PLS3: variants seen among roughly 807,000 people sequenced by gnomAD.
PLS3 encodes the protein plastin-3.
Under a neutral mutation model 46.5 loss-of-function variants are expected in PLS3, and 11 were observed. That is an observed-to-expected ratio of 0.24 (90% confidence interval 0.15 to 0.39). The LOEUF is 0.39. PLS3 is among the 10% of genes least tolerant of loss of function. PLS3 has a pLI of 1.00. For synonymous variants in PLS3, 167 were observed against 162.2 expected, an observed-to-expected ratio of 1.03 and a Z score of -0.22; for missense variants, 308 against 461.8, an observed-to-expected ratio of 0.67 and a Z score of 3.05.
At chrX:115,634,155 C>T in intron 6 of PLS3, 74 bp downstream of exon 6, 1 of 568,808 alleles carries the variant, frequency 1.8e-6, no homozygotes, top group Non-Finnish European at 3.0e-6. Context: ...TCAGCCTCTG[C>T]ACTCTGTAGG....
intron 1 of PLS3, among the ~76,000 whole-genome samples, 165 bp downstream of exon 1, chrX:115,561,425 C>T (rs1483871425): frequency 2.7e-5 from 3 of 111,396 alleles, no homozygotes; most frequent in African/African-American, 9.8e-5. Flanking sequence ...TCAGTTGGAG[C>T]CCTCGGGCGC....
At chrX:115,589,822 G>T (rs2074333304) in intron 1 of PLS3, among the ~76,000 whole-genome samples, 1 of 111,624 alleles carries the variant, frequency 9.0e-6, no homozygotes, top group Admixed American at 9.5e-5. Context: ...TTCCACCCTG[G>T]GGTGGGAGTG....
intron 8 of PLS3, 115 bp downstream of exon 8, chrX:115,637,093 G>A: frequency 1.4e-6 from 1 of 703,980 alleles, no homozygotes; most frequent in Middle Eastern, 3.2e-4. Context: ...TTGTCTCTTG[G>A]CCCTGAAGGT....
At chrX:115,606,165 CTTTTTTT>C (rs782575149) in intron 1 of PLS3, among the ~76,000 whole-genome samples, 335 of 30,208 alleles carry the variant, frequency 0.011, 1 homozygote, top group African/African-American at 0.053. Context: ...CTTTTCTTTT[CTTTTTTT>C]TTTTTTTTTT....
chrX:115,624,638 G>A (rs1556638220), intron 3 of PLS3, among the ~76,000 whole-genome samples: 2 of 112,147 alleles, frequency 1.8e-5, no homozygotes, highest in African/African-American at 6.5e-5. Flanking sequence ...TGATCTTGGG[G>A]AAATTGTTAA....
At chrX:115,618,600 T>C (rs2074619416) in intron 2 of PLS3, among the ~76,000 whole-genome samples, 1 of 107,969 alleles carries the variant, frequency 9.3e-6, no homozygotes, top group South Asian at 4.1e-4. Flanking sequence ...GATACTTTTT[T>C]AAATTAAAAA....
intron 9 of PLS3, among the ~76,000 whole-genome samples, chrX:115,642,243 C>T (rs58997109): frequency 0.033 from 3,671 of 110,043 alleles, 155 homozygotes; most frequent in African/African-American, 0.12. Context: ...TTTTTCTCTT[C>T]GTCTTTGTAA....
At chrX:115,595,412 T>A (rs1282345944) in intron 1 of PLS3, among the ~76,000 whole-genome samples, 1 of 110,686 alleles carries the variant, frequency 9.0e-6, no homozygotes, top group African/African-American at 3.3e-5. Flanking sequence ...ATGAACTCAT[T>A]TCTTAATAGC....
chrX:115,647,791 C>A, intron 14 of PLS3, 102 bp from the exon 15 acceptor site: 2 of 1,143,869 alleles, frequency 1.7e-6, no homozygotes, highest in Non-Finnish European at 2.4e-6. Context: ...TGGCACAATT[C>A]TTTACGAATT....
At chrX:115,622,455 CTCG>C (rs782183890) in intron 3 of PLS3, 46 bp downstream of exon 3, 22 of 844,132 alleles carry the variant, frequency 2.6e-5, no homozygotes, top group Non-Finnish European at 2.8e-5. Flanking sequence ...TAGATGTTCC[CTCG>C]TCTAGTGGGA....
intron 8 of PLS3, among the ~76,000 whole-genome samples, chrX:115,638,453 C>T (rs1556640564): frequency 9.1e-6 from 1 of 110,280 alleles, no homozygotes; most frequent in Non-Finnish European, 1.9e-5. Flanking sequence ...CTGTGTTGCC[C>T]AGGCTGGACT....
chrX:115,564,754 G>A (rs2074162015), intron 1 of PLS3, among the ~76,000 whole-genome samples: 1 of 112,241 alleles, frequency 8.9e-6, no homozygotes, highest in African/African-American at 3.2e-5. Flanking sequence ...AAGCTGAACT[G>A]TTTCTTTTTT....
intron 2 of PLS3, chrX:115,610,794 T>C: frequency 2.4e-6 from 2 of 844,049 alleles, no homozygotes; most frequent in Middle Eastern, 3.0e-4. Flanking sequence ...GTGCCTTTGG[T>C]TACTGCAGAT....
chrX:115,586,281 G>C (rs111557168), intron 1 of PLS3, among the ~76,000 whole-genome samples: 2 of 106,552 alleles, frequency 1.9e-5, no homozygotes, highest in Non-Finnish European at 3.9e-5. Flanking sequence ...CACTGCGCCC[G>C]GCCAAGAATA....
intron 1 of PLS3, among the ~76,000 whole-genome samples, chrX:115,601,990 GTGTC>G (rs2074449281): frequency 8.9e-6 from 1 of 111,834 alleles, no homozygotes; most frequent in Non-Finnish European, 1.9e-5. Flanking sequence ...TGCTGCGAGT[GTGTC>G]TGTCACTAAC....
At chrX:115,629,451 C>A in intron 4 of PLS3, 124 bp downstream of exon 4, 1 of 595,472 alleles carries the variant, frequency 1.7e-6, no homozygotes, top group Non-Finnish European at 2.7e-6. Context: ...TCCTTTGTGA[C>A]ATGTATTTAG....
intron 1 of PLS3, among the ~76,000 whole-genome samples, chrX:115,572,295 C>G (rs782307749): frequency 9.1e-6 from 1 of 110,211 alleles, no homozygotes; most frequent in Non-Finnish European, 1.9e-5. Flanking sequence ...TCAGAACCAA[C>G]CTGGGTAAGA....
chrX:115,629,850 CT>C lies in PLS3; in HGVS notation c.387del (p.Phe129LeufsTer5). 8.9e-7 allele frequency: 1 copy of C among 1,123,436 alleles called. No homozygotes were observed. Among genetic ancestry groups the C allele is most frequent in the Non-Finnish European group, 1.2e-6 (1 of 822,763 alleles). The allele number at this position is 1,123,436 out of a possible 1,213,427, so 92.6% of individuals were successfully genotyped here. On this transcript the variant is annotated frameshift_variant, in exon 5 of 16. Transcript: ENST00000355899. LOFTEE classifies it high-confidence loss of function. Reference protein sequence around the residue: ...QHSYSEEEKYAFVNWINKALE... With the variant: ...QHSYSEEEKYXFVNWINKALE... ...ATAATTTTAGAGGAAGAAAAATATG[CT>C]TTTGTTAACTGGATAAACAAAGCTT...
intron 5 of PLS3, among the ~76,000 whole-genome samples, chrX:115,633,169 CT>C (rs1414670567): frequency 9.9e-6 from 1 of 101,335 alleles, no homozygotes; most frequent in Non-Finnish European, 2.1e-5. Flanking sequence ...ATATTTTGGT[CT>C]TTTTGGGTTT....
Sources: allele counts gnomAD v4.1 joint callset (sites outside exome capture counted in the v4.1 genomes callset), GRCh38; gene constraint gnomAD v4.1.1; transcripts MANE v1.5; gene names NCBI Gene and HGNC (gene_info 2026-07-23, HGNC 2026-07-21).